Variants in GLIS3 observed in about 807,000 individuals in gnomAD.
GLIS3 encodes the protein zinc finger protein GLIS3.
GLIS3 carries 53 observed loss-of-function variants against 78.6 expected under a neutral mutation model. That is an observed-to-expected ratio of 0.67 (90% CI 0.54 to 0.85). The LOEUF is 0.85. Among genes scored for constraint, GLIS3 ranks in the 40% least tolerant of loss-of-function variants. GLIS3 has a pLI of 0.00. For missense variants in GLIS3, 1,703 were observed against 1,231.1 expected (o/e 1.38, Z -5.74); for synonymous variants, 684 against 509.9 (o/e 1.34, Z -4.60).
At chr9:4,358,311 C>T in the GLIS3 span, among the ~76,000 whole-genome samples, 1 of 138,842 alleles carries the variant, frequency 7.2e-6, no homozygotes, top group African/African-American at 2.6e-5. Flanking sequence ...GGCCTAGTAT[C>T]ACTTTTGTAA....
chr9:4,485,018 G>T, the GLIS3 span, among the ~76,000 whole-genome samples: 1 of 146,970 alleles, frequency 6.8e-6, no homozygotes, highest in Non-Finnish European at 1.5e-5. Flanking sequence ...TTTTGGGGGG[G>T]TGGGGGTGGT....
At chr9:3,837,077 A>G (rs142200074) in intron 9 of GLIS3, among the ~76,000 whole-genome samples, 43 of 152,304 alleles carry the variant, frequency 2.8e-4, no homozygotes, top group African/African-American at 9.6e-4. Flanking sequence ...TTGTTGCTCA[A>G]TCCACTTCAG....
At chr9:4,469,525 A>C in the GLIS3 span, among the ~76,000 whole-genome samples, 7 of 152,182 alleles carry the variant, frequency 4.6e-5, no homozygotes, top group Admixed American at 6.6e-5. Context: ...ACAACATGCT[A>C]CTGAATGACT....
intron 2 of GLIS3, among the ~76,000 whole-genome samples, chr9:4,143,582 C>A (rs1427938014): frequency 2.7e-5 from 4 of 150,636 alleles, no homozygotes; most frequent in African/African-American, 4.9e-5. Flanking sequence ...AAAATAAAAA[C>A]AAAAAAAAAC....
intron 2 of GLIS3, among the ~76,000 whole-genome samples, chr9:4,249,603 T>A (rs1370675368): frequency 1.3e-5 from 2 of 152,148 alleles, no homozygotes; most frequent in East Asian, 3.9e-4. Flanking sequence ...ATTTGAACAC[T>A]CTTTCTTTCT....
chr9:4,053,673 C>T (rs1239680022), intron 4 of GLIS3, among the ~76,000 whole-genome samples: 1 of 135,264 alleles, frequency 7.4e-6, no homozygotes, highest in Non-Finnish European at 1.6e-5. Context: ...GAGGAAGAGC[C>T]AGACTCAGTG....
intron 2 of GLIS3, among the ~76,000 whole-genome samples, chr9:4,203,836 C>G (rs972737972): frequency 6.6e-6 from 1 of 152,130 alleles, no homozygotes; most frequent in East Asian, 1.9e-4. Context: ...GGCCATTATC[C>G]TAAGTGAATT....
At chr9:3,951,386 A>G (rs1816665853) in intron 4 of GLIS3, among the ~76,000 whole-genome samples, 1 of 151,928 alleles carries the variant, frequency 6.6e-6, no homozygotes. Flanking sequence ...AGCTTTTTGT[A>G]AATTAAGAAA....
rs139047029 is a variant in GLIS3, at chr9:4,062,797, C to T, written c.1710+54971G>A. Among the ~76,000 whole-genome samples the T allele has an allele frequency of 5.0e-3, 756 of 152,098 alleles. 2 individuals carry two copies. The highest frequency in any genetic ancestry group is 0.017 in the African/African-American group (715 of 41,536). On this transcript the variant is annotated intron_variant, in intron 4 of 10. Transcript: ENST00000381971. Reference sequence around the variant, plus strand: ...AAAAAAAATTAGCCAGGCACGGTGGCGGGCACCTGTAGTCCCAGCTACTTG... The same window carrying T: ...AAAAAAAATTAGCCAGGCACGGTGGTGGGCACCTGTAGTCCCAGCTACTTG...
At chr9:4,172,804 G>A (rs1816487929) in intron 2 of GLIS3, among the ~76,000 whole-genome samples, 1 of 152,170 alleles carries the variant, frequency 6.6e-6, no homozygotes, top group African/African-American at 2.4e-5. Context: ...CAAGCTCCTT[G>A]CAAGCAAGGG....
intron 2 of GLIS3, among the ~76,000 whole-genome samples, chr9:4,203,170 G>C (rs747982002): frequency 9.2e-5 from 14 of 152,168 alleles, no homozygotes; most frequent in Non-Finnish European, 1.9e-4. Flanking sequence ...CACAAAACAT[G>C]AATAGACAGT....
In GLIS3 at chr9:4,049,027, G is replaced by A. The variant is rs148861198; in HGVS notation, c.1710+68741C>T. ...GGACTGAACACCATGGACATACAGA[G>A]AGGGCTAAGAACAAATGGTGAGGTT... On this transcript the variant is annotated intron_variant, in intron 4 of 10. Coordinates refer to ENST00000381971, the MANE Select transcript of GLIS3 (RefSeq NM_001042413.2). Among the ~76,000 whole-genome samples the A allele has an allele frequency of 1.3e-3, 196 of 152,276 alleles. 1 individual carries two copies. The highest frequency in any genetic ancestry group is 4.5e-3 in the African/African-American group (187 of 41,556).
upstream of GLIS3, among the ~76,000 whole-genome samples, chr9:4,351,553 G>C (rs1476100979): frequency 1.3e-5 from 2 of 152,076 alleles, no homozygotes; most frequent in East Asian, 1.9e-4. Context: ...TATCACAGTA[G>C]TTGAAAAGGA....
intron 6 of GLIS3, among the ~76,000 whole-genome samples, chr9:3,904,777 T>C (rs1003290146): frequency 1.3e-5 from 2 of 152,202 alleles, no homozygotes; most frequent in Non-Finnish European, 2.9e-5. Flanking sequence ...ACTTCCACTG[T>C]AGAGATGAGA....
intron 4 of GLIS3, among the ~76,000 whole-genome samples, chr9:3,989,737 G>C (rs1820069228): frequency 1.3e-5 from 2 of 152,178 alleles, no homozygotes; most frequent in South Asian, 2.1e-4. Context: ...GGCATGTATA[G>C]GAAGTAGGTG....
At chr9:4,291,407 G>C (rs6476843) in intron 1 of GLIS3, among the ~76,000 whole-genome samples, 1 of 152,124 alleles carries the variant, frequency 6.6e-6, no homozygotes, top group African/African-American at 2.4e-5. Flanking sequence ...ATTCGAACCT[G>C]TGCAATCTAA....
intron 2 of GLIS3, among the ~76,000 whole-genome samples, chr9:4,238,391 G>C (rs1433999942): frequency 6.6e-6 from 1 of 152,166 alleles, no homozygotes; most frequent in African/African-American, 2.4e-5. Flanking sequence ...ATTTGAGAAT[G>C]AGAGAGTCTA....
chr9:4,070,428 T>C (rs1168674229), intron 4 of GLIS3, among the ~76,000 whole-genome samples: 1 of 152,204 alleles, frequency 6.6e-6, no homozygotes, highest in East Asian at 1.9e-4. Context: ...GACACAGTAC[T>C]GTCTCTCTAT....
chr9:4,084,305 C>T (rs1024508029), intron 4 of GLIS3, among the ~76,000 whole-genome samples: 12 of 130,906 alleles, frequency 9.2e-5, no homozygotes, highest in Non-Finnish European at 2.1e-4. Context: ...AAATTCCTAG[C>T]CTCCCCTTAA....
Sources: allele counts gnomAD v4.1 joint callset (sites outside exome capture counted in the v4.1 genomes callset), GRCh38; gene constraint gnomAD v4.1.1; transcripts MANE v1.5; gene names NCBI Gene and HGNC (gene_info 2026-07-23, HGNC 2026-07-21).